Variants in PLCE1 observed in about 807,000 individuals in gnomAD.
PLCE1 encodes 1-phosphatidylinositol 4,5-bisphosphate phosphodiesterase epsilon-1.
A neutral mutation model predicts 242.8 loss-of-function variants in PLCE1; 119 were observed. That is an observed-to-expected ratio of 0.49 (90% CI 0.42 to 0.57). The LOEUF (loss-of-function observed/expected upper bound fraction) is 0.57. PLCE1 is among the 20% of genes least tolerant of loss of function. PLCE1 has a pLI of 0.00. For missense variants in PLCE1, 2,441 were observed against 2,788.8 expected, an observed-to-expected ratio of 0.88 and a Z score of 2.81; for synonymous variants, 945 against 1,017.4, an observed-to-expected ratio of 0.93 and a Z score of 1.35.
At chr10:94,034,717 A>G (rs1167536045) in intron 2 of PLCE1, among the ~76,000 whole-genome samples, 1 of 152,126 alleles carries the variant, frequency 6.6e-6, no homozygotes, top group Non-Finnish European at 1.5e-5. Context: ...ACCCCTCCTC[A>G]GGCCCTTTGA....
chr10:94,238,827 C>T (rs765932964), intron 7 of PLCE1, among the ~76,000 whole-genome samples: 67 of 152,052 alleles, frequency 4.4e-4, no homozygotes, highest in Non-Finnish European at 8.7e-4. Context: ...CCCTCTTTGG[C>T]ATGCTGCACC....
intron 1 of PLCE1, among the ~76,000 whole-genome samples, chr10:94,009,249 G>T (rs984931110): frequency 6.6e-6 from 1 of 152,010 alleles, no homozygotes; most frequent in African/African-American, 2.4e-5. Flanking sequence ...GACAGAGAAG[G>T]GGGAGGTCTC....
chr10:94,058,171 G>A (rs2043956763), intron 2 of PLCE1, among the ~76,000 whole-genome samples: 1 of 152,116 alleles, frequency 6.6e-6, no homozygotes, highest in African/African-American at 2.4e-5. Flanking sequence ...TAAATAGAGA[G>A]TTAACATTTC....
intron 7 of PLCE1, among the ~76,000 whole-genome samples, chr10:94,242,248 C>T (rs538612839): frequency 6.6e-6 from 1 of 152,012 alleles, no homozygotes; most frequent in Admixed American, 6.6e-5. Flanking sequence ...AGGAAAAGAG[C>T]ATAAAATATC....
chr10:94,191,893 G>A (rs760116370), intron 4 of PLCE1, among the ~76,000 whole-genome samples: 1 of 152,216 alleles, frequency 6.6e-6, no homozygotes, highest in Non-Finnish European at 1.5e-5. Context: ...CTGCCCAGCT[G>A]CAAAGCTGGG....
At chr10:94,255,082 C>G in intron 11 of PLCE1, 33 bp downstream of exon 11, 1 of 1,608,504 alleles carries the variant, frequency 6.2e-7, no homozygotes, top group Non-Finnish European at 8.5e-7. Context: ...CAGAAGGACC[C>G]TTCACATTAT....
chr10:94,006,359 T>C (rs1053515474), intron 1 of PLCE1, among the ~76,000 whole-genome samples: 1 of 152,252 alleles, frequency 6.6e-6, no homozygotes, highest in African/African-American at 2.4e-5. Flanking sequence ...AGACATGTGC[T>C]TTACCTTTTA....
intron 2 of PLCE1, among the ~76,000 whole-genome samples, chr10:94,066,400 T>C (rs1238218909): frequency 6.6e-6 from 1 of 152,214 alleles, no homozygotes; most frequent in Non-Finnish European, 1.5e-5. Flanking sequence ...CTTCAACAAA[T>C]GATGCTGCCC....
chr10:94,168,947 A>G (rs1214943837), intron 3 of PLCE1, among the ~76,000 whole-genome samples: 1 of 152,220 alleles, frequency 6.6e-6, no homozygotes, highest in Non-Finnish European at 1.5e-5. Flanking sequence ...TAAACTATTC[A>G]GAAAGCTGGA....
At chr10:94,111,562 G>C (rs1324524744) in intron 2 of PLCE1, among the ~76,000 whole-genome samples, 1 of 152,160 alleles carries the variant, frequency 6.6e-6, no homozygotes, top group Non-Finnish European at 1.5e-5. Context: ...TAAGGAGTTG[G>C]AAGAGTGGGT....
chr10:94,246,161 G>A lies in PLCE1; in HGVS notation c.2636G>A (p.Arg879His), dbSNP rs374847453. ...HYDQDTHLSARCFLQLQPDNS... is the reference protein window; with the variant it reads ...HYDQDTHLSAHCFLQLQPDNS... ...GACCAGGACACACACCTCTCTGCCC[G>A]CTGCTTCCTCCAGCTTCAGCCCGAC... The change falls in exon 8 of 33, where the codon CGC (arginine) becomes CAC (histidine). Residue 879 changes from arginine to histidine, a missense_variant. Coordinates refer to ENST00000371380, the MANE Select transcript of PLCE1 (RefSeq NM_016341.4). 18 of 1,613,944 alleles carry A rather than the reference G, an allele frequency of 1.1e-5. No homozygotes were observed. The highest frequency in any genetic ancestry group is 6.7e-5 in the Admixed American group (4 of 59,994).
chr10:94,301,375 T>G (rs1483981003), intron 24 of PLCE1, among the ~76,000 whole-genome samples: 10 of 151,570 alleles, frequency 6.6e-5, no homozygotes, highest in Non-Finnish European at 4.4e-5. Context: ...ATTATATATA[T>G]AGATAGATAG....
At chr10:94,040,530 G>A (rs1160594725) in intron 2 of PLCE1, among the ~76,000 whole-genome samples, 1 of 152,098 alleles carries the variant, frequency 6.6e-6, no homozygotes, top group Non-Finnish European at 1.5e-5. Context: ...GTACAAGCAG[G>A]GCCATCACTA....
intron 18 of PLCE1, 71 bp downstream of exon 18, chr10:94,270,673 T>C: frequency 2.1e-6 from 2 of 974,642 alleles, no homozygotes; most frequent in Admixed American, 3.4e-5. Flanking sequence ...GTTGTTTTGT[T>C]TTGTTTTGTT....
chr10:94,274,470 C>T (rs111234482), intron 19 of PLCE1, among the ~76,000 whole-genome samples: 14 of 152,258 alleles, frequency 9.2e-5, no homozygotes, highest in African/African-American at 3.1e-4. Flanking sequence ...TGCATATTCC[C>T]TTGAAGTGTT....
chr10:94,232,509 A>C (rs967329365), intron 5 of PLCE1, among the ~76,000 whole-genome samples: 1 of 152,106 alleles, frequency 6.6e-6, no homozygotes, highest in African/African-American at 2.4e-5. Flanking sequence ...TTGATGGGGC[A>C]GTTGTAATCT....
intron 2 of PLCE1, among the ~76,000 whole-genome samples, chr10:94,044,364 C>A (rs1265155696): frequency 2.0e-5 from 3 of 152,242 alleles, no homozygotes; most frequent in East Asian, 3.9e-4. Context: ...ACAATCCATT[C>A]AAGCATCCTG....
chr10:94,027,563 TG>T (rs1297612374), intron 1 of PLCE1, among the ~76,000 whole-genome samples: 9 of 152,228 alleles, frequency 5.9e-5, no homozygotes, highest in Non-Finnish European at 1.3e-4. Context: ...GGCTCATGCC[TG>T]TAATTCCAGC....
At chr10:94,321,469 T>C (rs2053799188) in intron 29 of PLCE1, among the ~76,000 whole-genome samples, 1 of 151,994 alleles carries the variant, frequency 6.6e-6, no homozygotes, top group South Asian at 2.1e-4. Flanking sequence ...CTGTCTCTAT[T>C]AAAAATACAA....
Sources: allele counts gnomAD v4.1 joint callset (sites outside exome capture counted in the v4.1 genomes callset), GRCh38; gene constraint gnomAD v4.1.1; transcripts MANE v1.5; gene names NCBI Gene and HGNC (gene_info 2026-07-23, HGNC 2026-07-21).